The following CCDC148 variants were observed in gnomAD, a reference collection of about 807,000 sequenced individuals.
CCDC148 encodes coiled-coil domain containing 148.
Under a neutral mutation model 85.7 loss-of-function variants are expected in CCDC148, and 89 were observed. The ratio of observed to expected loss-of-function variants is 1.04; its 90% CI spans 0.87 to 1.24. CCDC148 has a LOEUF of 1.24. Ranked by LOEUF, CCDC148 falls within the 50% of genes most tolerant of loss-of-function variation. The probability of loss-of-function intolerance (pLI) is 0.00; values close to 1 mark genes in which losing one functional copy is unlikely to be tolerated. For synonymous variants in CCDC148, 230 were observed against 213.9 expected (o/e 1.08, Z -0.66); for missense variants, 692 against 671.7 (o/e 1.03, Z -0.33).
At chr2:158,172,502 T>TA (rs1301912842) in intron 13 of CCDC148, among the ~76,000 whole-genome samples, 1 of 152,030 alleles carries the variant, frequency 6.6e-6, no homozygotes, top group African/African-American at 2.4e-5. Flanking sequence ...TTAGTCAAAA[T>TA]ATAATGCGTT....
At chr2:158,349,352 G>A (rs1426458708) in intron 2 of CCDC148, among the ~76,000 whole-genome samples, 2 of 151,852 alleles carry the variant, frequency 1.3e-5, no homozygotes, top group Non-Finnish European at 2.9e-5. Flanking sequence ...AAATAAACAG[G>A]GAAGTAGGCT....
intron 10 of CCDC148, among the ~76,000 whole-genome samples, chr2:158,247,400 G>A (rs1688609306): frequency 6.6e-6 from 1 of 152,136 alleles, no homozygotes; most frequent in African/African-American, 2.4e-5. Flanking sequence ...CTACAACACA[G>A]TTATTCTCCT....
At chr2:158,207,594 T>C (rs898266830) in intron 11 of CCDC148, 4 of 152,134 alleles carry the variant, frequency 2.6e-5, no homozygotes, top group African/African-American at 9.7e-5. Flanking sequence ...TGTCATACCA[T>C]GAAGCAAACA....
intron 1 of CCDC148, among the ~76,000 whole-genome samples, chr2:158,420,390 C>T (rs993855685): frequency 2.0e-5 from 3 of 152,082 alleles, no homozygotes; most frequent in Admixed American, 6.6e-5. Context: ...GCAGATCTCT[C>T]GGCAGAAACT....
chr2:158,425,046 C>A, intron 1 of CCDC148: 1 of 442,650 alleles, frequency 2.3e-6, no homozygotes, highest in Non-Finnish European at 4.5e-6. Context: ...ATGAGGGGGC[C>A]CTAGGGGGTC....
In CCDC148 at chr2:158,445,704, T is replaced by C. The variant is rs928797940; in HGVS notation, c.25+10711A>G. 1.1e-4 allele frequency among the ~76,000 whole-genome samples: 16 copies of C among 152,156 alleles called. No individual in the cohort carries two copies. The East Asian group carries it at 2.3e-3, about 22-fold the overall frequency. The stretch of plus-strand genomic sequence containing the variant: ...TCACACATCTCTGTAAATAACACTT[T>C]TGAGGATATATTTCCAAATGTATTT... On this transcript the variant is annotated intron_variant, in intron 1 of 13. Transcript: ENST00000283233.
chr2:158,380,027 ATCC>A (rs1176426489), intron 1 of CCDC148, among the ~76,000 whole-genome samples: 3 of 152,026 alleles, frequency 2.0e-5, no homozygotes, highest in Non-Finnish European at 2.9e-5. Context: ...GGCTCAAGCG[ATCC>A]TCCTACTTCA....
At chr2:158,232,217 TCA>T (rs753986987) in intron 10 of CCDC148, among the ~76,000 whole-genome samples, 4 of 152,184 alleles carry the variant, frequency 2.6e-5, no homozygotes, top group Non-Finnish European at 5.9e-5. Context: ...AGGTTTATTT[TCA>T]CAGTCCCACA....
At chr2:158,263,366 G>A (rs1646204461) in intron 9 of CCDC148, among the ~76,000 whole-genome samples, 1 of 151,884 alleles carries the variant, frequency 6.6e-6, no homozygotes, top group Admixed American at 6.6e-5. Context: ...TATTAAAGGT[G>A]TATTAAATAT....
intron 11 of CCDC148, among the ~76,000 whole-genome samples, chr2:158,209,777 AC>A (rs2105290660): frequency 6.6e-6 from 1 of 152,342 alleles, no homozygotes; most frequent in South Asian, 2.1e-4. Context: ...AGATTCTGTC[AC>A]CACCAGGCCT....
chr2:158,351,666 C>G (rs1361337150), intron 2 of CCDC148, among the ~76,000 whole-genome samples: 2 of 152,168 alleles, frequency 1.3e-5, no homozygotes, highest in African/African-American at 4.8e-5. Flanking sequence ...CCCGCCATTG[C>G]CCAGGCTTGA....
intron 11 of CCDC148, among the ~76,000 whole-genome samples, chr2:158,181,866 C>T (rs914885339): frequency 2.0e-5 from 3 of 150,136 alleles, no homozygotes; most frequent in African/African-American, 7.4e-5. Flanking sequence ...CTGTGATATG[C>T]AGGATGGGTT....
intron 2 of CCDC148, among the ~76,000 whole-genome samples, chr2:158,352,123 G>C (rs1222452987): frequency 2.7e-5 from 4 of 148,234 alleles, no homozygotes; most frequent in Non-Finnish European, 5.9e-5. Context: ...ACAAAGATGG[G>C]GAAAAAACAG....
chr2:158,284,230 C>T (rs757119999), intron 9 of CCDC148, among the ~76,000 whole-genome samples: 7 of 151,686 alleles, frequency 4.6e-5, no homozygotes, highest in Admixed American at 2.0e-4. Context: ...ACATACGTAA[C>T]TAACCTGCAC....
At chr2:158,374,423 T>C (rs1425708224) in intron 1 of CCDC148, among the ~76,000 whole-genome samples, 4 of 152,020 alleles carry the variant, frequency 2.6e-5, no homozygotes, top group Non-Finnish European at 4.4e-5. Context: ...ACATATATTA[T>C]TGAGTGAAAA....
chr2:158,448,213 TC>T (rs1247048692), intron 1 of CCDC148, among the ~76,000 whole-genome samples: 9 of 152,226 alleles, frequency 5.9e-5, no homozygotes, highest in Non-Finnish European at 1.0e-4. Context: ...ACCTTCTATT[TC>T]ATTGATCTAA....
intron 1 of CCDC148, among the ~76,000 whole-genome samples, chr2:158,426,351 G>A (rs1439586074): frequency 2.6e-5 from 4 of 152,050 alleles, no homozygotes; most frequent in Admixed American, 2.0e-4. Flanking sequence ...AACTGCAAAT[G>A]CCGTGTGAGT....
chr2:158,200,235 T>G (rs1433578001), intron 11 of CCDC148, among the ~76,000 whole-genome samples: 2 of 152,234 alleles, frequency 1.3e-5, no homozygotes, highest in East Asian at 3.8e-4. Flanking sequence ...TTTCCCATGA[T>G]ATTAAGTTTT....
chr2:158,264,946 T>C (rs765782124), intron 9 of CCDC148, among the ~76,000 whole-genome samples: 26 of 152,280 alleles, frequency 1.7e-4, no homozygotes, highest in Non-Finnish European at 3.5e-4. Flanking sequence ...CCAGTTTTAC[T>C]TCTAAATGAC....
Sources: gnomAD v4.1 joint callset for allele counts (sites outside exome capture counted in the v4.1 genomes callset) on GRCh38, gnomAD v4.1.1 for gene constraint, MANE v1.5 for transcripts, NCBI Gene and HGNC (gene_info 2026-07-23, HGNC 2026-07-21) for gene names.